MACF1: variants seen among roughly 807,000 people sequenced by gnomAD.
MACF1 encodes microtubule actin crosslinking factor 1, also known as microtubule-actin cross-linking factor 1.
MACF1 carries 193 observed loss-of-function variants against 854.8 expected under a neutral mutation model. The ratio of observed to expected loss-of-function variants is 0.23; its 90% confidence interval spans 0.20 to 0.25. MACF1 has a LOEUF of 0.25. MACF1 is among the 10% of genes least tolerant of loss of function. The probability of loss-of-function intolerance (pLI) is 1.00; values close to 1 mark genes in which losing one functional copy is unlikely to be tolerated. For synonymous variants in MACF1, 3,185 were observed against 3,226.7 expected (o/e 0.99, Z 0.44); for missense variants, 7,722 against 8,929.1 (o/e 0.86, Z 5.45).
At chr1:39,391,110 CA>C (rs140753607) in intron 58 of MACF1, among the ~76,000 whole-genome samples, 52 of 120,538 alleles carry the variant, frequency 4.3e-4, no homozygotes, top group Middle Eastern at 4.6e-3. Context: ...GACTCCTTCT[CA>C]AAAAAAAAAA....
At chr1:39,224,898 A>C (rs1644695499) in intron 1 of MACF1, among the ~76,000 whole-genome samples, 1 of 152,160 alleles carries the variant, frequency 6.6e-6, no homozygotes, top group South Asian at 2.1e-4. Flanking sequence ...AAATCCTTCT[A>C]ATTAGGCCGG....
At chr1:39,113,164 A>G (rs1642455712) in intron 2 of MACF1, among the ~76,000 whole-genome samples, 2 of 151,982 alleles carry the variant, frequency 1.3e-5, no homozygotes, top group Admixed American at 1.3e-4. Flanking sequence ...CCCTACCCCT[A>G]ATCTCAATAT....
rs201558069 is a variant in MACF1 at position 39,333,369 on chromosome 1, G to A, written c.6781G>A (p.Asp2261Asn). The A allele has an allele frequency of 2.0e-4, 327 of 1,614,104 alleles. 1 individual carries two copies. Among genetic ancestry groups the A allele is most frequent in the Middle Eastern group, 4.9e-4 (3 of 6,062 alleles). The change falls in exon 37 of 101, where the codon GAT becomes AAT. Residue 2261 changes from aspartate to asparagine, a missense_variant. Asp to Asn is a conservative substitution (Grantham distance 23). Coordinates refer to ENST00000564288, the MANE Select transcript of MACF1 (RefSeq NM_001394062.1). ...GGSMMMSEKT[D>N]EEDSGREIFL... ...TAGTATGATGATGTCAGAAAAGACC[G>A]ATGAGGAAGATAGTGGCAGGGAAAT...
intron 58 of MACF1, chr1:39,410,509 GT>G (rs777112595): frequency 7.4e-6 from 12 of 1,613,948 alleles, no homozygotes; most frequent in African/African-American, 1.3e-5. Flanking sequence ...AGCATCTAAT[GT>G]TTTTGAATCT....
rs1646536075 is a variant in MACF1, at chr1:39,322,700, T to A, written c.4122T>A (p.Asp1374Glu). The change falls in exon 32 of 101, where the codon GAT becomes GAA. Residue 1374 changes from aspartate (D) to glutamate (E), a missense_variant. This residue lies in a region of MACF1 where 1,137 missense variants were observed against 1,263.0 expected (regional missense o/e 0.90). Transcript: ENST00000564288. ...GCCGTCGCATGCTTTCCTCTTCAGA[T>A]GCCATCACTCAAGAGGTGAGAGGGT... ...GKRRRMLSSSDAITQEFMDLR... is the reference protein window; with the variant it reads ...GKRRRMLSSSEAITQEFMDLR... 1 of 1,613,970 alleles carries A rather than the reference T, an allele frequency of 6.2e-7. No individual in the cohort carries two copies. Among genetic ancestry groups the A allele is most frequent in the Non-Finnish European group, 8.5e-7 (1 of 1,179,964 alleles).
Position 39,485,638 on chromosome 1 carries a change from C to G in MACF1, c.22512C>G (p.Leu7504=), listed in dbSNP as rs1645092068. The part of the protein sequence containing the change: ...RRGSDASDFD[L]LETQSACSDT... ...GAAGTGACGCTTCTGACTTTGACCT[C>G]TTAGAGACGCAGTCTGCTTGTTCCG... The change falls in exon 101 of 101, where the codon CTC becomes CTG. Residue 7504 remains leucine, a synonymous_variant. Transcript: ENST00000564288. 6.2e-7 allele frequency: 1 copy of G among 1,614,168 alleles called. No homozygotes were observed. The highest frequency in any genetic ancestry group is 8.5e-7 in the Non-Finnish European group (1 of 1,180,040).
intron 2 of MACF1, among the ~76,000 whole-genome samples, chr1:39,107,477 G>GTTGTATACC (rs977090691): frequency 3.0e-5 from 4 of 134,282 alleles, no homozygotes; most frequent in African/African-American, 1.3e-4. Context: ...ATTACCTCGA[G>GTTGTATACC]TTGTATACGG....
chr1:39,100,386 G>T (rs889907188), intron 2 of MACF1, among the ~76,000 whole-genome samples: 9 of 152,182 alleles, frequency 5.9e-5, no homozygotes, highest in Non-Finnish European at 1.3e-4. Context: ...TTGGAGATCA[G>T]CCTGAAAAGG....
rs138718991 is a variant in MACF1, at chr1:39,452,701, C to G, written c.20631C>G (p.Asp6877Glu). The change falls in exon 87 of 101, where the codon GAC (aspartate) becomes GAG (glutamate). Residue 6877 changes from aspartate to glutamate, a missense_variant. Asp to Glu is a conservative substitution (Grantham distance 45, BLOSUM62 2). Transcript: ENST00000564288. Reference sequence around the variant, plus strand: ...TATTTCAGGCGGAAGTGTTTCGAGACACAGTCCACATGCTGTTGGAGTGGC... The same window carrying G: ...TATTTCAGGCGGAAGTGTTTCGAGAGACAGTCCACATGCTGTTGGAGTGGC... ...QALKQAEVFR[D>E]TVHMLLEWLS... The G allele has an allele frequency of 1.4e-5, 23 of 1,613,174 alleles. No homozygotes were observed. Among genetic ancestry groups the G allele is most frequent in the Non-Finnish European group, 1.9e-5 (23 of 1,180,010 alleles).
At chr1:39,314,602 C>T (rs1284628422) in intron 26 of MACF1, among the ~76,000 whole-genome samples, 1 of 151,080 alleles carries the variant, frequency 6.6e-6, no homozygotes, top group Non-Finnish European at 1.5e-5. Flanking sequence ...CACACACACA[C>T]ACACACAAAT....
rs1301548167 is a variant in MACF1 at position 39,357,607 on chromosome 1, A to G, written c.11657A>G (p.His3886Arg). 1.9e-6 allele frequency: 3 copies of G among 1,614,084 alleles called. No homozygotes were observed. The highest frequency in any genetic ancestry group is 2.7e-5 in the African/African-American group (2 of 74,934). Residue 3886 changes from histidine to arginine, a missense_variant, in exon 45 of 101, where the codon CAT (histidine) becomes CGT (arginine). His to Arg is a conservative substitution (Grantham distance 29). Coordinates refer to ENST00000564288, the MANE Select transcript of MACF1 (RefSeq NM_001394062.1). ...GAGTTGCAGAAATTTCTGCAGGATCATAAAGAGTTTGAAAGCTGGTTGGAA... is the reference window on the plus strand; with the variant it reads ...GAGTTGCAGAAATTTCTGCAGGATCGTAAAGAGTTTGAAAGCTGGTTGGAA... ...QDELQKFLQD[H>R]KEFESWLERS...
At chr1:39,121,830 A>G (rs891134814) in intron 2 of MACF1, among the ~76,000 whole-genome samples, 4 of 152,188 alleles carry the variant, frequency 2.6e-5, no homozygotes, top group African/African-American at 9.7e-5. Context: ...ACTGAGGCTT[A>G]AGGAACCTAA....
intron 53 of MACF1, 33 bp downstream of exon 53, chr1:39,378,556 T>C (rs748225922): frequency 6.3e-7 from 1 of 1,597,438 alleles, no homozygotes; most frequent in South Asian, 1.1e-5. Context: ...GCTTCTTTGT[T>C]GGATGTGTTA....
chr1:39,472,140 A>C (rs186113327), intron 97 of MACF1, among the ~76,000 whole-genome samples: 16 of 152,286 alleles, frequency 1.1e-4, no homozygotes, highest in Admixed American at 2.0e-4. Context: ...TCTCCAGTGA[A>C]AAGAATGGTG....
At chr1:39,397,815 T>C (rs1284511090) in intron 58 of MACF1, among the ~76,000 whole-genome samples, 3 of 152,154 alleles carry the variant, frequency 2.0e-5, no homozygotes, top group East Asian at 1.9e-4. Flanking sequence ...AAATCTTCAG[T>C]TGAACCATTG....
chr1:39,439,191 CAG>C (rs1190802573), intron 71 of MACF1, 81 bp from the exon 72 acceptor site: 1 of 676,658 alleles, frequency 1.5e-6, no homozygotes, highest in Non-Finnish European at 2.6e-6. Flanking sequence ...TTGAAAAGGT[CAG>C]AGTTACATGG....
At chr1:39,305,058 C>T (rs533082943) in intron 23 of MACF1, among the ~76,000 whole-genome samples, 1 of 150,920 alleles carries the variant, frequency 6.6e-6, no homozygotes, top group African/African-American at 2.4e-5. Flanking sequence ...GTCAGGAGTT[C>T]GAGACCAGCC....
At chr1:39,463,314 C>T (rs182366504) in intron 93 of MACF1, among the ~76,000 whole-genome samples, 43 of 152,086 alleles carry the variant, frequency 2.8e-4, no homozygotes, top group African/African-American at 1.0e-3. Flanking sequence ...TGAAGAAACC[C>T]CATCTCTACT....
chr1:39,485,541 C>T lies in MACF1; in HGVS notation c.22415C>T (p.Pro7472Leu), dbSNP rs1370534671. 2 of 1,611,590 alleles carry T rather than the reference C, an allele frequency of 1.2e-6. No individual in the cohort carries two copies. The highest frequency in any genetic ancestry group is 1.7e-6 in the Non-Finnish European group (2 of 1,179,008). The change falls in exon 101 of 101, where the codon CCT becomes CTT. Residue 7472 changes from proline (P) to leucine (L), a missense_variant. Around this residue, in one of 15 missense-constraint regions of MACF1, gnomAD observed 185 missense variants for 225.7 expected, o/e 0.82. Coordinates refer to ENST00000564288, the MANE Select transcript of MACF1 (RefSeq NM_001394062.1). ...CTGTTTTATTCTTGAATTCCAGACC[C>T]TAAAAAGTCTGCCAGTCGCCCTGGG... ...STGAKTNRAD[P>L]KKSASRPGSR... is the part of the protein sequence containing the mutation.
Sources: allele counts gnomAD v4.1 joint callset (sites outside exome capture counted in the v4.1 genomes callset), GRCh38; gene constraint gnomAD v4.1.1; regional missense constraint gnomAD v4.1.1; transcripts MANE v1.5; gene names NCBI Gene and HGNC (gene_info 2026-07-23, HGNC 2026-07-21).